PHF21A: variants seen among roughly 807,000 people sequenced by gnomAD.
PHF21A encodes the protein PHD finger protein 21A, also known as BHC80a.
Under a neutral mutation model 82.5 loss-of-function variants are expected in PHF21A, and 11 were observed. The ratio of observed to expected loss-of-function variants is 0.13; its 90% CI spans 0.08 to 0.22. The LOEUF (loss-of-function observed/expected upper bound fraction) is 0.22, where lower values mean the gene tolerates loss of function less well. Among genes scored for constraint, PHF21A ranks in the 10% least tolerant of loss-of-function variants. The probability of loss-of-function intolerance (pLI) is 1.00; values close to 1 mark genes in which losing one functional copy is unlikely to be tolerated. For synonymous variants in PHF21A, 297 were observed against 302.8 expected (o/e 0.98, Z 0.20); for missense variants, 579 against 837.8 (o/e 0.69, Z 3.81).
chr11:45,972,435 AT>A (rs749172917), intron 7 of PHF21A, among the ~76,000 whole-genome samples: 30 of 152,288 alleles, frequency 2.0e-4, no homozygotes, highest in Admixed American at 4.6e-4. Context: ...TTTACTGTAT[AT>A]TTGCACTGTC....
Position 46,014,806 on chromosome 11 carries a change from C to T in PHF21A, c.154-34840G>A, listed in dbSNP as rs1389486750. On this transcript the variant is annotated intron_variant, in intron 6 of 18. Coordinates refer to ENST00000676320, the MANE Select transcript of PHF21A (RefSeq NM_001352027.3). ...CCATCCCGGCTAAAACGGTGAAACC[C>T]CGTCTCTACTAAAAATACAAAAAAT... 5.5e-5 allele frequency among the ~76,000 whole-genome samples: 5 copies of T among 90,992 alleles called. 2 individuals carry two copies. Among genetic ancestry groups the T allele is most frequent in the African/African-American group, 2.1e-4 (3 of 14,380 alleles). 59.7% of individuals were successfully genotyped at this position (90,992 alleles called of 152,430 possible).
chr11:46,000,915 C>T lies in PHF21A; in HGVS notation c.154-20949G>A, dbSNP rs545733820. ...AGCCTGGGCAACAAAAGTGAACCTC[C>T]GTCTCAAAAAAATAAATAAATAAAT... On this transcript the variant is annotated intron_variant, in intron 6 of 18. Transcript: ENST00000676320. Among the ~76,000 whole-genome samples, 11 of 151,182 alleles carry T rather than the reference C, an allele frequency of 7.3e-5. No homozygotes were observed. In the East Asian group the frequency reaches 7.8e-4, roughly 11 times the overall value.
intron 1 of PHF21A, among the ~76,000 whole-genome samples, chr11:46,107,287 A>G (rs1353531963): frequency 6.6e-6 from 1 of 152,144 alleles, no homozygotes; most frequent in African/African-American, 2.4e-5. Context: ...AAAAAGGAAA[A>G]CTAGGCTCTA....
intron 4 of PHF21A, chr11:46,083,434 T>G (rs1313499610): frequency 6.6e-6 from 1 of 152,216 alleles, no homozygotes; most frequent in African/African-American, 2.4e-5. Context: ...CAAAGGAAAC[T>G]ATACCTAAGA....
intron 3 of PHF21A, among the ~76,000 whole-genome samples, chr11:46,086,361 C>T (rs749817941): frequency 1.8e-4 from 27 of 152,236 alleles, no homozygotes; most frequent in Non-Finnish European, 3.5e-4. Context: ...CCTCGTGATC[C>T]GCCCGTCCTG....
At chr11:46,052,198 C>A (rs2096378252) in intron 6 of PHF21A, among the ~76,000 whole-genome samples, 1 of 152,142 alleles carries the variant, frequency 6.6e-6, no homozygotes, top group Admixed American at 6.5e-5. Context: ...ATAAAAAAAA[C>A]TTTCCCTCTT....
intron 15 of PHF21A, among the ~76,000 whole-genome samples, chr11:45,945,384 C>A (rs1291859465): frequency 6.6e-6 from 1 of 152,196 alleles, no homozygotes; most frequent in African/African-American, 2.4e-5. Flanking sequence ...AGAGTTTCTG[C>A]TCAACAGTTT....
At chr11:45,944,204 G>A (rs1426450800) in intron 15 of PHF21A, among the ~76,000 whole-genome samples, 3 of 152,148 alleles carry the variant, frequency 2.0e-5, no homozygotes, top group Non-Finnish European at 4.4e-5. Context: ...TTTGATAAAT[G>A]CATTGTACCT....
chr11:45,940,686 C>T lies in PHF21A; in HGVS notation c.1453-2374G>A, dbSNP rs541982365. 2.0e-5 allele frequency among the ~76,000 whole-genome samples: 3 copies of T among 152,274 alleles called. 1 individual carries two copies. The South Asian group carries it at 6.2e-4, about 32-fold the overall frequency. ...AATCAGGCTGAGGGCTACTCTTTTC[C>T]TCTAGAGGGTCAGCCTTTCTTGAAC... On this transcript the variant is annotated intron_variant, in intron 15 of 18. Coordinates refer to ENST00000676320, the MANE Select transcript of PHF21A (RefSeq NM_001352027.3).
intron 6 of PHF21A, among the ~76,000 whole-genome samples, chr11:46,008,327 C>A (rs2095342140): frequency 1.3e-5 from 2 of 152,176 alleles, no homozygotes; most frequent in Admixed American, 1.3e-4. Flanking sequence ...GAGCAGAGTT[C>A]CACACTGTGA....
At chr11:45,965,209 T>C (rs2093359701) in intron 10 of PHF21A, 106 bp downstream of exon 10, 4 of 863,656 alleles carry the variant, frequency 4.6e-6, no homozygotes, top group Non-Finnish European at 5.4e-6. Context: ...CTGACAATGG[T>C]GGTGAGATGA....
rs545962664 is a variant in PHF21A, at chr11:46,092,446, T to A, written c.-236-223A>T. 2.0e-5 allele frequency among the ~76,000 whole-genome samples: 3 copies of A among 152,318 alleles called. No individual in the cohort carries two copies. The South Asian group carries it at 6.2e-4, about 32-fold the overall frequency. ...TTAAATTGCTACTTTTCCATAGTTT[T>A]TCAAGACAAGCAAAAGTAAGTAGTT... On this transcript the variant is annotated intron_variant, in intron 1 of 18. Coordinates refer to ENST00000676320, the MANE Select transcript of PHF21A (RefSeq NM_001352027.3).
intron 1 of PHF21A, among the ~76,000 whole-genome samples, chr11:46,111,959 C>T (rs1013720060): frequency 2.0e-5 from 3 of 152,172 alleles, no homozygotes; most frequent in African/African-American, 7.2e-5. Context: ...ACAAAAGGGG[C>T]ATTTTGCAGC....
In PHF21A at chr11:46,044,342, T is replaced by A. The variant is rs1400765480; in HGVS notation, c.153+32412A>T. 3.9e-5 allele frequency among the ~76,000 whole-genome samples: 6 copies of A among 152,076 alleles called. No homozygotes were observed. In the East Asian group the frequency reaches 1.2e-3, roughly 29 times the overall value. On this transcript the variant is annotated intron_variant, in intron 6 of 18. Coordinates refer to ENST00000676320, the MANE Select transcript of PHF21A (RefSeq NM_001352027.3). ...ATTCATGCAAGGTAAAAGAAGTAAT[T>A]AGAAATTTGAGGGTCAGCTGACCTA... is the stretch of plus-strand genomic sequence containing the variant.
chr11:46,012,558 A>G (rs565960113), intron 6 of PHF21A, among the ~76,000 whole-genome samples: 1 of 152,134 alleles, frequency 6.6e-6, no homozygotes, highest in Non-Finnish European at 1.5e-5. Flanking sequence ...CTGTTTATTC[A>G]CCTCTTAAAT....
At chr11:46,079,718 G>A (rs898100856) in intron 4 of PHF21A, among the ~76,000 whole-genome samples, 1 of 152,134 alleles carries the variant, frequency 6.6e-6, no homozygotes, top group African/African-American at 2.4e-5. Context: ...TTGAGAACAA[G>A]GAAGTGCAGG....
At position 46,096,928 on chromosome 11, in the gene PHF21A, C is replaced by T. The variant is rs372103482; in HGVS notation, c.-236-4705G>A. Among the ~76,000 whole-genome samples, 52 of 152,228 alleles carry T rather than the reference C, an allele frequency of 3.4e-4. 1 individual carries two copies. In the East Asian group the frequency reaches 4.1e-3, roughly 12 times the overall value. On this transcript the variant is annotated intron_variant, in intron 1 of 18. Coordinates refer to ENST00000676320, the MANE Select transcript of PHF21A (RefSeq NM_001352027.3). ...CTAACTTCCTCCTCAGAGTCATTCC[C>T]ATCTCAGTAAATGGTAACTCCACCC...
intron 1 of PHF21A, among the ~76,000 whole-genome samples, chr11:46,104,049 A>G (rs944676222): frequency 6.6e-6 from 1 of 152,190 alleles, no homozygotes; most frequent in African/African-American, 2.4e-5. Context: ...ACAATTAAAT[A>G]TAGAAAGAAA....
intron 10 of PHF21A, among the ~76,000 whole-genome samples, chr11:45,957,719 C>A: frequency 8.0e-6 from 1 of 124,846 alleles, no homozygotes; most frequent in South Asian, 2.6e-4. Context: ...AACTTTACAC[C>A]TTAAGAAACA....
Sources: gnomAD v4.1 joint callset for allele counts (sites outside exome capture counted in the v4.1 genomes callset) on GRCh38, gnomAD v4.1.1 for gene constraint, MANE v1.5 for transcripts, NCBI Gene and HGNC (gene_info 2026-07-23, HGNC 2026-07-21) for gene names.